Variants in OSBP2 observed in about 807,000 individuals in gnomAD.
OSBP2 encodes the protein oxysterol binding protein 2.
OSBP2 carries 66 observed loss-of-function variants against 96.0 expected under a neutral mutation model. That is an observed-to-expected ratio of 0.69 (90% CI 0.56 to 0.84). The LOEUF (loss-of-function observed/expected upper bound fraction) is 0.84. Ranked by LOEUF, OSBP2 falls within the 40% of genes least tolerant of loss-of-function variation. The pLI is 0.00. For synonymous variants in OSBP2, 525 were observed against 520.9 expected (o/e 1.01, Z -0.11); for missense variants, 1,038 against 1,222.7 (o/e 0.85, Z 2.25).
At chr22:30,822,147 A>G (rs2038287117) in intron 2 of OSBP2, among the ~76,000 whole-genome samples, 1 of 152,180 alleles carries the variant, frequency 6.6e-6, no homozygotes, top group South Asian at 2.1e-4. Flanking sequence ...GGTGACCCCG[A>G]TTTCCTGGAA....
chr22:30,899,600 G>T (rs2040152466), intron 12 of OSBP2, among the ~76,000 whole-genome samples: 1 of 151,972 alleles, frequency 6.6e-6, no homozygotes, highest in Non-Finnish European at 1.5e-5. Context: ...CCAGATCATA[G>T]AAAAAGGAAA....
intron 12 of OSBP2, among the ~76,000 whole-genome samples, chr22:30,899,318 G>C (rs536009092): frequency 6.6e-6 from 1 of 150,666 alleles, no homozygotes; most frequent in Non-Finnish European, 1.5e-5. Flanking sequence ...AGGCAGGAAG[G>C]TTACTTGAGC....
intron 2 of OSBP2, among the ~76,000 whole-genome samples, chr22:30,760,290 T>G (rs1395427948): frequency 2.6e-5 from 4 of 152,020 alleles, no homozygotes; most frequent in Non-Finnish European, 4.4e-5. Context: ...GAGTAATTTC[T>G]AACTCATTTA....
In OSBP2 at chr22:30,788,806, G is replaced by A. The variant is rs973473037; in HGVS notation, c.853+47437G>A. 3.3e-5 allele frequency among the ~76,000 whole-genome samples: 5 copies of A among 152,174 alleles called. No homozygotes were observed. In the East Asian group the frequency reaches 7.7e-4, roughly 23 times the overall value. ...CAGCTCACTGCAACCTCTGCCTCCC[G>A]GGTTCAAGCGATTCTCCTGCCTCAG... is the stretch of plus-strand genomic sequence containing the variant. On this transcript the variant is annotated intron_variant, in intron 2 of 13. Transcript: ENST00000332585.
At chr22:30,893,362 T>G in intron 9 of OSBP2, 101 bp from the exon 10 acceptor site, 2 of 1,536,268 alleles carry the variant, frequency 1.3e-6, no homozygotes, top group South Asian at 2.3e-5. Flanking sequence ...GGCCTGCCTC[T>G]TCAACCCCCC....
chr22:30,750,931 G>C (rs375595970), intron 2 of OSBP2, among the ~76,000 whole-genome samples: 2 of 151,948 alleles, frequency 1.3e-5, no homozygotes, highest in African/African-American at 4.8e-5. Context: ...TAATAGAGTC[G>C]GGTTTCACCA....
intron 2 of OSBP2, among the ~76,000 whole-genome samples, chr22:30,764,913 A>G (rs755309892): frequency 1.3e-5 from 2 of 151,922 alleles, no homozygotes; most frequent in Non-Finnish European, 2.9e-5. Flanking sequence ...AAACTGAATA[A>G]CTTCTCTCTT....
intron 2 of OSBP2, among the ~76,000 whole-genome samples, chr22:30,861,359 C>T (rs1203721774): frequency 6.6e-6 from 1 of 152,154 alleles, no homozygotes; most frequent in Non-Finnish European, 1.5e-5. Context: ...AGCCCTGCAC[C>T]CCTCGCCTGG....
At position 30,881,865 on chromosome 22, in the gene OSBP2, C is replaced by T. The variant is rs192629289; in HGVS notation, c.1108-5561C>T. On this transcript the variant is annotated intron_variant, in intron 3 of 13. Coordinates refer to ENST00000332585, the MANE Select transcript of OSBP2 (RefSeq NM_030758.4). The surrounding 1 kb of genome is among the most constrained non-coding windows in gnomAD (Gnocchi z 4.5). Reference sequence around the variant, plus strand: ...CTGCATCCATGGGGTGACCAGGCAGCTCATGTGCTGTGGGGGTAAAGGTCT... The same window carrying T: ...CTGCATCCATGGGGTGACCAGGCAGTTCATGTGCTGTGGGGGTAAAGGTCT... 3.1e-6 allele frequency: 4 copies of T among 1,285,496 alleles called. No homozygotes were observed. The African/African-American group carries it at 6.1e-5, about 20-fold the overall frequency. The allele number at this position is 1,285,496 out of a possible 1,614,324, so 79.6% of individuals were successfully genotyped here. A position where few individuals can be genotyped will look rare whatever the true frequency, so the allele number is the denominator to read the frequency against.
chr22:30,895,193 A>G (rs1211166542), intron 12 of OSBP2, among the ~76,000 whole-genome samples: 1 of 152,156 alleles, frequency 6.6e-6, no homozygotes, highest in East Asian at 1.9e-4. Context: ...TGTATGAAGT[A>G]TGTTTATTGC....
At chr22:30,718,325 T>C (rs1216227557) in intron 1 of OSBP2, among the ~76,000 whole-genome samples, 1 of 152,230 alleles carries the variant, frequency 6.6e-6, no homozygotes, top group African/African-American at 2.4e-5. Flanking sequence ...TGTCACAGCC[T>C]CTAACCTCCC....
intron 1 of OSBP2, among the ~76,000 whole-genome samples, chr22:30,711,016 A>G (rs2089337642): frequency 6.6e-6 from 1 of 152,178 alleles, no homozygotes; most frequent in South Asian, 2.1e-4. Context: ...AAGTGCTGGG[A>G]ATACAGGCGT....
At chr22:30,735,410 C>CTCTTTTTTT (rs1555909093) in intron 1 of OSBP2, among the ~76,000 whole-genome samples, 1 of 100,598 alleles carries the variant, frequency 9.9e-6, no homozygotes, top group African/African-American at 4.1e-5. Context: ...TCTTCTCTCT[C>CTCTTTTTTT]TTTTTTTTTT....
intron 1 of OSBP2, among the ~76,000 whole-genome samples, chr22:30,730,120 G>A (rs2089724323): frequency 6.6e-6 from 1 of 151,980 alleles, no homozygotes; most frequent in African/African-American, 2.4e-5. Flanking sequence ...ATGCCACCAT[G>A]CCTGACTAAT....
At chr22:30,789,847 C>T (rs903084133) in intron 2 of OSBP2, among the ~76,000 whole-genome samples, 12 of 152,176 alleles carry the variant, frequency 7.9e-5, no homozygotes, top group African/African-American at 2.7e-4. Context: ...TTGTCTGCAA[C>T]AGCTTTGCAT....
At chr22:30,788,368 T>C (rs937127344) in intron 2 of OSBP2, among the ~76,000 whole-genome samples, 8 of 152,132 alleles carry the variant, frequency 5.3e-5, no homozygotes, top group African/African-American at 1.2e-4. Context: ...ATGGAAGATT[T>C]TCCTCCAAGG....
chr22:30,840,592 C>T (rs948890358), intron 2 of OSBP2, among the ~76,000 whole-genome samples: 2 of 152,180 alleles, frequency 1.3e-5, no homozygotes, highest in Non-Finnish European at 2.9e-5. Flanking sequence ...AACATAGCCT[C>T]TCCAAACCTA....
At chr22:30,821,426 C>T (rs186295263) in intron 2 of OSBP2, among the ~76,000 whole-genome samples, 2 of 152,270 alleles carry the variant, frequency 1.3e-5, no homozygotes, top group East Asian at 3.9e-4. Flanking sequence ...CTGTATTCTA[C>T]GGGTACAGCC....
chr22:30,728,745 C>T (rs915113333), intron 1 of OSBP2, among the ~76,000 whole-genome samples: 1 of 152,182 alleles, frequency 6.6e-6, no homozygotes, highest in Non-Finnish European at 1.5e-5. Flanking sequence ...AATCCTCCTG[C>T]CATGGTCTCC....
Sources: gnomAD v4.1 joint callset for allele counts (sites outside exome capture counted in the v4.1 genomes callset) on GRCh38, gnomAD v4.1.1 for gene constraint, Gnocchi (gnomAD v3.1) non-coding constraint, MANE v1.5 for transcripts, NCBI Gene and HGNC (gene_info 2026-07-23, HGNC 2026-07-21) for gene names.